Variants in INO80D observed in about 807,000 individuals in gnomAD.
INO80D encodes INO80 complex subunit D.
In INO80D, 21 loss-of-function variants were observed where a neutral mutation model predicts 87.6. The observed-to-expected ratio is 0.24, with a 90% CI of 0.17 to 0.35. The LOEUF (loss-of-function observed/expected upper bound fraction) is 0.35. INO80D is among the 10% of genes least tolerant of loss of function. INO80D has a pLI of 1.00. For missense variants in INO80D, 982 were observed against 1,280.7 expected, an observed-to-expected ratio of 0.77 and a Z score of 3.56; for synonymous variants, 440 against 491.0, an observed-to-expected ratio of 0.90 and a Z score of 1.37.
At chr2:206,024,241 C>T (rs1035553015) in intron 6 of INO80D, among the ~76,000 whole-genome samples, 1 of 152,052 alleles carries the variant, frequency 6.6e-6, no homozygotes, top group Non-Finnish European at 1.5e-5. Flanking sequence ...TAGGAACAAA[C>T]TTTTTCCTGT....
chr2:206,057,174 G>T lies in INO80D; in HGVS notation c.219-231C>A, dbSNP rs542951314. ...CATGCACAGGGGTGGCCAGACAGAA[G>T]CAAGTCATTCAGTTACTGAGTGGCC... On this transcript the variant is annotated intron_variant, in intron 3 of 10. Transcript: ENST00000403263. 2.1e-4 allele frequency among the ~76,000 whole-genome samples: 32 copies of T among 152,294 alleles called. 2 individuals carry two copies. The South Asian group carries it at 6.6e-3, about 32-fold the overall frequency.
At position 206,004,205 on chromosome 2, in the gene INO80D, T is replaced by C. The variant is rs966473696; in HGVS notation, c.*163A>G. The stretch of plus-strand genomic sequence containing the variant: ...TGCTAAGGAGCACATGTGAACACTG[T>C]AGCGAGGTCCACTGCAGGGCCACTC... On this transcript the variant is annotated 3_prime_UTR_variant, in exon 11 of 11. Coordinates refer to ENST00000403263, the MANE Select transcript of INO80D (RefSeq NM_017759.5). The surrounding 1 kb of genome is among the most constrained non-coding windows in gnomAD (Gnocchi z 4.9). 1.5e-6 allele frequency: 1 copy of C among 661,080 alleles called. No individual in the cohort carries two copies. The highest frequency in any genetic ancestry group is 2.6e-6 in the Non-Finnish European group (1 of 387,654). The allele number at this position is 661,080 out of a possible 1,614,324, so 41.0% of individuals were successfully genotyped here. A position where few individuals can be genotyped will look rare whatever the true frequency, so the allele number is the denominator to read the frequency against.
intron 5 of INO80D, among the ~76,000 whole-genome samples, chr2:206,038,035 C>G (rs1230655652): frequency 6.6e-6 from 1 of 152,066 alleles, no homozygotes; most frequent in African/African-American, 2.4e-5. Flanking sequence ...AAAACATGTT[C>G]ACATAGACGT....
intron 1 of INO80D, among the ~76,000 whole-genome samples, chr2:206,073,340 T>C (rs1365928723): frequency 6.6e-6 from 1 of 152,170 alleles, no homozygotes; most frequent in African/African-American, 2.4e-5. Context: ...CAGCTGGCGT[T>C]TTTTACCCTG....
rs1004697629 is a variant in INO80D, at chr2:206,001,020, C to T, written c.*3348G>A. 1.3e-5 allele frequency: 2 copies of T among 152,050 alleles called. No individual in the cohort carries two copies. Among genetic ancestry groups the T allele is most frequent in the East Asian group, 1.9e-4 (1 of 5,194 alleles). 9.4% of individuals were successfully genotyped at this position (152,050 alleles called of 1,614,324 possible). A position where few individuals can be genotyped will look rare whatever the true frequency, so the allele number is the denominator to read the frequency against. On this transcript the variant is annotated 3_prime_UTR_variant, in exon 11 of 11. Transcript: ENST00000403263. ...ATCCTTTGCTGTCTAAGCTATGTGA[C>T]GATAATTAGAAAATTTTTCCATTGC...
Position 206,009,737 on chromosome 2 carries a change from G to A in INO80D, c.1600C>T (p.Pro534Ser), listed in dbSNP as rs770801984. Residue 534 changes from proline to serine, a missense_variant, in exon 9 of 11, where the codon CCC becomes TCC. Physicochemically the swap from Pro to Ser is moderately conservative, Grantham distance 74. Transcript: ENST00000403263. The stretch of plus-strand genomic sequence containing the variant: ...GCAGGAGGCTTGGTTTTTTTCCTGG[G>A]TTTCCTCTGCTGCTGGTGCTGAACT... Reference protein sequence around the residue: ...RKVQHQQQRKPRKKTKPPALT... With the variant: ...RKVQHQQQRKSRKKTKPPALT... 1.2e-5 allele frequency: 19 copies of A among 1,613,800 alleles called. No homozygotes were observed. The highest frequency in any genetic ancestry group is 1.6e-5 in the Non-Finnish European group (19 of 1,179,836).
At chr2:206,032,043 C>A (rs1332307776) in intron 5 of INO80D, among the ~76,000 whole-genome samples, 1 of 152,178 alleles carries the variant, frequency 6.6e-6, no homozygotes, top group East Asian at 1.9e-4. Flanking sequence ...TGGGAGCTCA[C>A]TGGGTCCCCA....
intron 5 of INO80D, chr2:206,040,674 T>C: frequency 4.4e-6 from 1 of 228,472 alleles, no homozygotes. Flanking sequence ...ACAATCATCT[T>C]ACGCCTACAG....
At chr2:206,057,086 C>T in intron 3 of INO80D, 143 bp from the exon 4 acceptor site, 1 of 764,206 alleles carries the variant, frequency 1.3e-6, no homozygotes, top group South Asian at 1.9e-5. Context: ...ATGCAAACCT[C>T]TACTACTTTC....
At chr2:206,076,347 C>T (rs141319711) in intron 1 of INO80D, among the ~76,000 whole-genome samples, 111 of 152,210 alleles carry the variant, frequency 7.3e-4, no homozygotes, top group African/African-American at 2.4e-3. Flanking sequence ...GTCTTAAAAA[C>T]GTTTTTCCAT....
In INO80D at chr2:206,004,869, T is replaced by C. The variant is rs1161129141; in HGVS notation, c.2583A>G (p.Ser861=). The part of the protein sequence containing the change: ...YSGDNMAATF[S]AEMPIMAQHL... ...GCTGCGCCATGATGGGCATCTCTGC[T>C]GAAAAGGTAGCTGCCATATTATCAC... Residue 861 remains serine (S), a synonymous_variant, in exon 11 of 11, where the codon TCA becomes TCG. Coordinates refer to ENST00000403263, the MANE Select transcript of INO80D (RefSeq NM_017759.5). The surrounding 1 kb of genome is among the most constrained non-coding windows in gnomAD (Gnocchi z 4.9). 1 of 1,613,990 alleles carries C rather than the reference T, an allele frequency of 6.2e-7. No homozygotes were observed. Among genetic ancestry groups the C allele is most frequent in the African/African-American group, 1.3e-5 (1 of 75,022 alleles).
intron 4 of INO80D, among the ~76,000 whole-genome samples, chr2:206,054,494 G>A (rs922158514): frequency 2.0e-5 from 3 of 151,996 alleles, no homozygotes; most frequent in African/African-American, 7.2e-5. Context: ...TCCCAAAAGT[G>A]AGTCTGCTGG....
chr2:206,031,619 C>T (rs1475228940), intron 5 of INO80D, among the ~76,000 whole-genome samples: 1 of 152,196 alleles, frequency 6.6e-6, no homozygotes, highest in Non-Finnish European at 1.5e-5. Flanking sequence ...TTGCGGGTGC[C>T]CCAGATGGCA....
intron 5 of INO80D, among the ~76,000 whole-genome samples, chr2:206,039,338 G>C (rs776147991): frequency 9.3e-5 from 14 of 150,768 alleles, no homozygotes; most frequent in Non-Finnish European, 1.9e-4. Flanking sequence ...CAGACATTGC[G>C]GTGAGCCGAG....
intron 8 of INO80D, among the ~76,000 whole-genome samples, chr2:206,016,695 G>C (rs1359417247): frequency 1.3e-5 from 2 of 152,222 alleles, no homozygotes; most frequent in African/African-American, 4.8e-5. Flanking sequence ...TTGTGGGAGG[G>C]ACCTGGTGGG....
At chr2:206,022,774 T>C (rs1218823194) in intron 6 of INO80D, among the ~76,000 whole-genome samples, 2 of 152,142 alleles carry the variant, frequency 1.3e-5, no homozygotes, top group African/African-American at 4.8e-5. Flanking sequence ...AGTGCAATGG[T>C]GCAATCTCAG....
intron 3 of INO80D, among the ~76,000 whole-genome samples, chr2:206,059,752 T>TGC (rs1415192911): frequency 6.6e-6 from 1 of 152,122 alleles, no homozygotes; most frequent in African/African-American, 2.4e-5. Context: ...TGTGTGTGTG[T>TGC]GTCTGTGTGT....
intron 3 of INO80D, among the ~76,000 whole-genome samples, chr2:206,061,846 G>A (rs1689699130): frequency 6.6e-6 from 1 of 152,210 alleles, no homozygotes; most frequent in Admixed American, 6.5e-5. Flanking sequence ...TGAAGGTTGT[G>A]TGTGTGTTTT....
chr2:206,017,818 G>GT lies in INO80D; in HGVS notation c.1409-6dup, dbSNP rs1427064333. 60 of 1,592,448 alleles carry GT rather than the reference G, an allele frequency of 3.8e-5. No homozygotes were observed. Among genetic ancestry groups the GT allele is most frequent in the Non-Finnish European group, 5.0e-5 (59 of 1,174,666 alleles). On this transcript the variant is annotated splice_polypyrimidine_tract_variant and splice_region_variant and intron_variant, in intron 7 of 10. Coordinates refer to ENST00000403263, the MANE Select transcript of INO80D (RefSeq NM_017759.5). Reference sequence around the variant, plus strand: ...GAGAGTGGTTCAAGAGGATATCTGGGTTTTTTTAAGTTAGGAGTAAAATAC... The same window carrying GT: ...GAGAGTGGTTCAAGAGGATATCTGGGTTTTTTTTAAGTTAGGAGTAAAATAC...
Sources: gnomAD v4.1 joint callset for allele counts (sites outside exome capture counted in the v4.1 genomes callset) on GRCh38, gnomAD v4.1.1 for gene constraint, Gnocchi (gnomAD v3.1) non-coding constraint, MANE v1.5 for transcripts, NCBI Gene and HGNC (gene_info 2026-07-23, HGNC 2026-07-21) for gene names.